The following ZNF521 variants were observed in gnomAD, a reference collection of about 807,000 sequenced individuals.
ZNF521 encodes the protein zinc finger protein 521.
Under a neutral mutation model 105.5 loss-of-function variants are expected in ZNF521, and 14 were observed. The observed-to-expected ratio is 0.13, with a 90% CI of 0.09 to 0.21. ZNF521 has a LOEUF of 0.21. Among genes scored for constraint, ZNF521 ranks in the 10% least tolerant of loss-of-function variants. The pLI, the probability that ZNF521 is intolerant of heterozygous loss-of-function variation, is 1.00. For missense variants in ZNF521, 1,233 were observed against 1,629.7 expected (o/e 0.76, Z 4.19); for synonymous variants, 635 against 606.0 (o/e 1.05, Z -0.70).
intron 3 of ZNF521, chr18:25,302,685 AC>A (rs1292240817): frequency 2.0e-5 from 3 of 152,140 alleles, no homozygotes; most frequent in African/African-American, 7.2e-5. Flanking sequence ...CACATTCAAA[AC>A]AAAGAATGAA....
chr18:25,283,410 C>T (rs1269777960), intron 3 of ZNF521, among the ~76,000 whole-genome samples: 1 of 152,152 alleles, frequency 6.6e-6, no homozygotes, highest in African/African-American at 2.4e-5. Flanking sequence ...GGTCTCTGGT[C>T]CAACATACGC....
chr18:25,347,945 T>C (rs1352936739), intron 2 of ZNF521, among the ~76,000 whole-genome samples: 1 of 152,202 alleles, frequency 6.6e-6, no homozygotes, highest in Non-Finnish European at 1.5e-5. Flanking sequence ...AGTGCAGAAC[T>C]TCATGTTTTA....
chr18:25,283,342 G>A (rs1214031965), intron 3 of ZNF521, among the ~76,000 whole-genome samples: 1 of 152,160 alleles, frequency 6.6e-6, no homozygotes, highest in Non-Finnish European at 1.5e-5. Context: ...CTTAACCCTT[G>A]AATTTGCCAG....
chr18:25,160,671 A>G (rs1337394459), intron 5 of ZNF521, among the ~76,000 whole-genome samples: 3 of 152,190 alleles, frequency 2.0e-5, no homozygotes, highest in Non-Finnish European at 4.4e-5. Flanking sequence ...CACTTTGTAC[A>G]TTCCCGTGGT....
chr18:25,097,193 G>A (rs1244794203), intron 5 of ZNF521, among the ~76,000 whole-genome samples: 1 of 152,124 alleles, frequency 6.6e-6, no homozygotes, highest in African/African-American at 2.4e-5. Context: ...TAGGCAGACT[G>A]CAGTATAATT....
chr18:25,062,790 A>C (rs981072875), intron 7 of ZNF521, 49 bp from the exon 8 acceptor site: 6 of 1,410,932 alleles, frequency 4.3e-6, no homozygotes, highest in Non-Finnish European at 5.7e-6. Flanking sequence ...AAAAAAGAGA[A>C]GAGAGGGAAA....
chr18:25,154,811 C>A (rs2035112257), intron 5 of ZNF521, among the ~76,000 whole-genome samples: 1 of 152,120 alleles, frequency 6.6e-6, no homozygotes. Flanking sequence ...GACTTAAGTT[C>A]TTTCCATATT....
intron 3 of ZNF521, among the ~76,000 whole-genome samples, chr18:25,281,269 T>C (rs1910364778): frequency 6.6e-6 from 1 of 152,228 alleles, no homozygotes; most frequent in Non-Finnish European, 1.5e-5. Flanking sequence ...GAAATTATGC[T>C]TGATGTAAAC....
At chr18:25,145,593 T>C (rs997739464) in intron 5 of ZNF521, among the ~76,000 whole-genome samples, 6 of 152,198 alleles carry the variant, frequency 3.9e-5, no homozygotes. Context: ...CTTGGGTCTG[T>C]CACTGAGCAC....
At chr18:25,287,567 TTTATGAAACCCCTCCTTAAGAAA>T (rs1403553493) in intron 3 of ZNF521, among the ~76,000 whole-genome samples, 2 of 151,990 alleles carry the variant, frequency 1.3e-5, no homozygotes, top group Non-Finnish European at 2.9e-5. Context: ...AAAAACCCTC[TTTATGAAACCCCTCCTTAAGAAA>T]TTCAGGAGAA....
At chr18:25,204,987 T>C (rs1286250584) in intron 4 of ZNF521, among the ~76,000 whole-genome samples, 3 of 152,054 alleles carry the variant, frequency 2.0e-5, no homozygotes, top group African/African-American at 7.2e-5. Flanking sequence ...GACAATCTAA[T>C]GAGTCATTCT....
intron 5 of ZNF521, among the ~76,000 whole-genome samples, chr18:25,145,983 CATTTAT>C (rs2034935316): frequency 6.6e-6 from 1 of 152,040 alleles, no homozygotes; most frequent in Non-Finnish European, 1.5e-5. Flanking sequence ...CAACAGTTAC[CATTTAT>C]AAAGTCTTAA....
chr18:25,228,419 C>A (rs1247422987), intron 3 of ZNF521, among the ~76,000 whole-genome samples: 1 of 152,160 alleles, frequency 6.6e-6, no homozygotes, highest in East Asian at 1.9e-4. Flanking sequence ...AAGGGTACTG[C>A]TAGATATTAC....
chr18:25,214,115 C>T (rs1043769925), intron 4 of ZNF521, among the ~76,000 whole-genome samples: 4 of 152,078 alleles, frequency 2.6e-5, no homozygotes, highest in African/African-American at 9.7e-5. Flanking sequence ...CTTGCTTTTC[C>T]TTCCCTGTTG....
At chr18:25,146,761 A>T in intron 5 of ZNF521, among the ~76,000 whole-genome samples, 1 of 151,734 alleles carries the variant, frequency 6.6e-6, no homozygotes, top group Non-Finnish European at 1.5e-5. Flanking sequence ...TTCCTCCTTG[A>T]TGACTCGGTG....
chr18:25,203,832 T>C (rs923157533), intron 4 of ZNF521, among the ~76,000 whole-genome samples: 6 of 152,234 alleles, frequency 3.9e-5, no homozygotes, highest in Non-Finnish European at 5.9e-5. Context: ...ATATGAAGTA[T>C]ATTTATTGAT....
intron 5 of ZNF521, among the ~76,000 whole-genome samples, chr18:25,154,229 T>A (rs1189344900): frequency 2.6e-5 from 4 of 152,220 alleles, no homozygotes; most frequent in Admixed American, 2.6e-4. Flanking sequence ...TTTCTACAAC[T>A]ATTAAAGCCA....
intron 5 of ZNF521, among the ~76,000 whole-genome samples, chr18:25,150,819 T>C (rs889530989): frequency 5.3e-5 from 8 of 152,118 alleles, no homozygotes; most frequent in African/African-American, 1.4e-4. Context: ...CTAGTTATAT[T>C]TCCCCCCATG....
At chr18:25,109,396 G>T (rs962963482) in intron 5 of ZNF521, among the ~76,000 whole-genome samples, 4 of 152,170 alleles carry the variant, frequency 2.6e-5, no homozygotes, top group Admixed American at 1.3e-4. Flanking sequence ...TTGCCACTGT[G>T]ACTAGTGCTG....
Sources: allele counts gnomAD v4.1 joint callset (sites outside exome capture counted in the v4.1 genomes callset), GRCh38; gene constraint gnomAD v4.1.1; transcripts MANE v1.5; gene names NCBI Gene and HGNC (gene_info 2026-07-23, HGNC 2026-07-21).